FMN2: variants seen among roughly 807,000 people sequenced by gnomAD.
FMN2 encodes the protein formin 2.
In FMN2, 51 loss-of-function variants were observed where a neutral mutation model predicts 142.3. That is an observed-to-expected ratio of 0.36 (90% confidence interval 0.29 to 0.45). The LOEUF (loss-of-function observed/expected upper bound fraction) is 0.45. Among genes scored for constraint, FMN2 ranks in the 20% least tolerant of loss-of-function variants. The pLI is 1.00. For synonymous variants in FMN2, 882 were observed against 869.8 expected, an observed-to-expected ratio of 1.01 and a Z score of -0.25; for missense variants, 1,936 against 2,122.8, an observed-to-expected ratio of 0.91 and a Z score of 1.73.
intron 2 of FMN2, among the ~76,000 whole-genome samples, chr1:240,154,998 C>G (rs6699282): frequency 0.27 from 40,200 of 151,198 alleles, 5,424 homozygotes; most frequent in Middle Eastern, 0.34. Context: ...GCAATCCCCC[C>G]CCCGACCTTG....
chr1:240,172,924 TTTTTTTG>T (rs371890662), intron 2 of FMN2, among the ~76,000 whole-genome samples: 198 of 151,408 alleles, frequency 1.3e-3, no homozygotes, highest in African/African-American at 4.4e-3. Flanking sequence ...CAGTGGCCCT[TTTTTTTG>T]TTTTTTGTTT....
At chr1:240,418,007 T>C (rs1230601792) in intron 15 of FMN2, among the ~76,000 whole-genome samples, 1 of 152,114 alleles carries the variant, frequency 6.6e-6, no homozygotes, top group Non-Finnish European at 1.5e-5. Flanking sequence ...CTCTATTGAT[T>C]AATGCTTCAT....
At chr1:240,165,639 T>A (rs905405705) in intron 2 of FMN2, among the ~76,000 whole-genome samples, 1 of 152,118 alleles carries the variant, frequency 6.6e-6, no homozygotes, top group Non-Finnish European at 1.5e-5. Context: ...CTATTTTTTT[T>A]TTTTATTTTA....
intron 2 of FMN2, among the ~76,000 whole-genome samples, chr1:240,154,463 A>G (rs993931727): frequency 2.6e-5 from 4 of 152,174 alleles, no homozygotes; most frequent in Admixed American, 6.5e-5. Flanking sequence ...GTTGGCTGTG[A>G]AAGATCCTGA....
chr1:240,122,026 G>A (rs113868124), intron 1 of FMN2, among the ~76,000 whole-genome samples: 32 of 151,576 alleles, frequency 2.1e-4, no homozygotes, highest in African/African-American at 7.5e-4. Context: ...AGAACCATCT[G>A]CAATTAAATT....
intron 1 of FMN2, among the ~76,000 whole-genome samples, chr1:240,113,492 AG>A (rs1467493725): frequency 7.5e-6 from 1 of 132,918 alleles, no homozygotes; most frequent in African/African-American, 2.9e-5. Context: ...GGGGAGGCAG[AG>A]GTCGCAGTGA....
At position 240,178,431 on chromosome 1, in the gene FMN2, C is replaced by CCTT. The variant is rs796070816; in HGVS notation, c.1930+379_1930+381dup. On this transcript the variant is annotated intron_variant, in intron 3 of 17. Coordinates refer to ENST00000319653, the MANE Select transcript of FMN2 (RefSeq NM_020066.5). The stretch of plus-strand genomic sequence containing the variant: ...ATGGTTGTTTTGTCCTTTTTTCCCC[C>CCTT]CTTCTTCTTCTTCTTCTTTTTTTTT... 3.1e-4 allele frequency among the ~76,000 whole-genome samples: 46 copies of CCTT among 149,436 alleles called. No individual in the cohort carries two copies. In the East Asian group the frequency reaches 3.9e-3, roughly 13 times the overall value.
chr1:240,345,142 A>G (rs1671867062), intron 13 of FMN2, among the ~76,000 whole-genome samples: 1 of 152,228 alleles, frequency 6.6e-6, no homozygotes, highest in Non-Finnish European at 1.5e-5. Flanking sequence ...TACTTAGCTA[A>G]AATAATTCTT....
intron 3 of FMN2, among the ~76,000 whole-genome samples, chr1:240,184,392 A>C (rs1665296998): frequency 6.6e-6 from 1 of 151,496 alleles, no homozygotes. Context: ...GCCCACCACC[A>C]GGCCGGCTCA....
intron 15 of FMN2, among the ~76,000 whole-genome samples, chr1:240,416,478 C>T (rs1394373559): frequency 6.6e-6 from 1 of 152,022 alleles, no homozygotes; most frequent in Non-Finnish European, 1.5e-5. Flanking sequence ...CCATGTTGGC[C>T]CGGCTAGTCT....
chr1:240,445,408 T>C (rs1200360969), intron 16 of FMN2, among the ~76,000 whole-genome samples: 2 of 152,148 alleles, frequency 1.3e-5, no homozygotes, highest in East Asian at 1.9e-4. Flanking sequence ...TTTAGAGAGG[T>C]TGGTCAGAGG....
chr1:240,307,722 G>A (rs1670461343), intron 8 of FMN2, among the ~76,000 whole-genome samples: 1 of 152,108 alleles, frequency 6.6e-6, no homozygotes, highest in African/African-American at 2.4e-5. Flanking sequence ...GGCTATTGGG[G>A]CTCTTTTTTG....
intron 8 of FMN2, among the ~76,000 whole-genome samples, chr1:240,295,630 G>T (rs899765983): frequency 6.6e-6 from 1 of 152,122 alleles, no homozygotes; most frequent in Non-Finnish European, 1.5e-5. Flanking sequence ...ATATTCCATG[G>T]TGTATATGTA....
At chr1:240,174,538 A>G (rs907319194) in intron 2 of FMN2, among the ~76,000 whole-genome samples, 4 of 152,064 alleles carry the variant, frequency 2.6e-5, no homozygotes, top group Non-Finnish European at 2.9e-5. Context: ...AAAAATTTTT[A>G]AATATTCTGT....
chr1:240,241,948 C>T (rs1667924027), intron 6 of FMN2, among the ~76,000 whole-genome samples: 1 of 151,508 alleles, frequency 6.6e-6, no homozygotes, highest in Non-Finnish European at 1.5e-5. Flanking sequence ...CGGGTTCACG[C>T]CATTCTCCTG....
intron 16 of FMN2, among the ~76,000 whole-genome samples, chr1:240,463,398 A>G (rs9659866): frequency 0.26 from 40,048 of 152,086 alleles, 5,632 homozygotes; most frequent in East Asian, 0.51. Context: ...TTGAATGGTT[A>G]TGCTCTTAAC....
At chr1:240,368,950 A>G (rs1189306675) in intron 14 of FMN2, among the ~76,000 whole-genome samples, 1 of 97,442 alleles carries the variant, frequency 1.0e-5, no homozygotes. Context: ...TGTACAACAC[A>G]ATGTTTATAT....
chr1:240,242,970 C>A (rs1470114624), intron 6 of FMN2, among the ~76,000 whole-genome samples: 2 of 152,176 alleles, frequency 1.3e-5, no homozygotes, highest in Non-Finnish European at 2.9e-5. Flanking sequence ...CACTTGTGGG[C>A]ATGGTCAGTG....
intron 8 of FMN2, among the ~76,000 whole-genome samples, chr1:240,325,719 T>C (rs1671150860): frequency 6.6e-6 from 1 of 152,220 alleles, no homozygotes; most frequent in Non-Finnish European, 1.5e-5. Flanking sequence ...GCATCCCTTT[T>C]GCAGTCCATT....
Sources: gnomAD v4.1 joint callset for allele counts (sites outside exome capture counted in the v4.1 genomes callset) on GRCh38, gnomAD v4.1.1 for gene constraint, MANE v1.5 for transcripts, NCBI Gene and HGNC (gene_info 2026-07-23, HGNC 2026-07-21) for gene names.